Variants in BBX observed in about 807,000 individuals in gnomAD.
The protein encoded by BBX is HMG box transcription factor BBX.
In BBX, 30 loss-of-function variants were observed where a neutral mutation model predicts 100.2. That is an observed-to-expected ratio of 0.30 (90% CI 0.22 to 0.41). BBX has a LOEUF of 0.41. Among genes scored for constraint, BBX ranks in the 10% least tolerant of loss-of-function variants. The pLI is 1.00. For missense variants in BBX, 1,023 were observed against 1,129.8 expected (o/e 0.91, Z 1.35); for synonymous variants, 376 against 388.1 (o/e 0.97, Z 0.37).
chr3:107,589,983 A>G (rs1017116313), intron 2 of BBX, among the ~76,000 whole-genome samples: 3 of 151,756 alleles, frequency 2.0e-5, no homozygotes, highest in Non-Finnish European at 4.4e-5. Context: ...CATTTTTTTT[A>G]TAGGTCTTAA....
chr3:107,790,666 A>T (rs1201330401), intron 14 of BBX, among the ~76,000 whole-genome samples: 1 of 152,182 alleles, frequency 6.6e-6, no homozygotes, highest in East Asian at 1.9e-4. Context: ...ATCTCCCTGC[A>T]TGTTAGTGTC....
intron 3 of BBX, among the ~76,000 whole-genome samples, chr3:107,680,483 G>C (rs1322472761): frequency 6.6e-6 from 1 of 152,120 alleles, no homozygotes. Flanking sequence ...TTGAAGAGGT[G>C]ACAGAGCCAA....
chr3:107,724,255 G>T (rs1329920116), intron 5 of BBX, among the ~76,000 whole-genome samples: 1 of 151,478 alleles, frequency 6.6e-6, no homozygotes, highest in Admixed American at 6.6e-5. Flanking sequence ...TTTTGATGGG[G>T]TTGTTTTTTT....
At chr3:107,804,111 C>G (rs2070830096) in intron 17 of BBX, among the ~76,000 whole-genome samples, 1 of 152,090 alleles carries the variant, frequency 6.6e-6, no homozygotes, top group South Asian at 2.1e-4. Flanking sequence ...TAGCTTAATC[C>G]AGAGGTTTGA....
At chr3:107,713,572 T>C (rs2061869995) in intron 4 of BBX, among the ~76,000 whole-genome samples, 1 of 152,240 alleles carries the variant, frequency 6.6e-6, no homozygotes, top group South Asian at 2.1e-4. Context: ...TATTTACTTT[T>C]TGATTAATAA....
intron 7 of BBX, among the ~76,000 whole-genome samples, chr3:107,744,221 G>A (rs116599176): frequency 0.025 from 3,838 of 152,108 alleles, 72 homozygotes; most frequent in Middle Eastern, 0.075. Context: ...CTCTGGGAGA[G>A]GATGTACAAT....
Position 107,747,947 on chromosome 3 carries a change from T to C in BBX, c.751-18T>C. The C allele has an allele frequency of 6.3e-7, 1 of 1,597,438 alleles. No homozygotes were observed. The highest frequency in any genetic ancestry group is 1.1e-5 in the South Asian group (1 of 89,530). On this transcript the variant is annotated intron_variant, in intron 8 of 17. Transcript: ENST00000325805. ...GAAAAATGTCATTGTATATTAAAAA[T>C]TGCTTGTTTCCTTTCAGATATCTTC...
chr3:107,561,341 T>C (rs937328553), intron 2 of BBX, among the ~76,000 whole-genome samples: 1 of 152,224 alleles, frequency 6.6e-6, no homozygotes, highest in African/African-American at 2.4e-5. Context: ...TTTGCCAATA[T>C]CTAGCAAAAG....
At chr3:107,525,485 A>C (rs1407782786) in intron 1 of BBX, 3 of 152,316 alleles carry the variant, frequency 2.0e-5, no homozygotes, top group Non-Finnish European at 2.9e-5. Context: ...TTACGCCCGG[A>C]GTGTGGTATT....
In BBX at chr3:107,655,547, C is replaced by T. The variant is rs1202082459; in HGVS notation, c.-10+9638C>T. 3.9e-5 allele frequency among the ~76,000 whole-genome samples: 5 copies of T among 127,616 alleles called. No individual in the cohort carries two copies. The East Asian group carries it at 1.1e-3, about 28-fold the overall frequency. 83.7% of individuals were successfully genotyped at this position (127,616 alleles called of 152,430 possible). ...TTTTTTTTTTTTTAAGAGATAAGGGCTCATTCTGTTTCCCAAGCTGGAGTG... is the reference window on the plus strand; with the variant it reads ...TTTTTTTTTTTTTAAGAGATAAGGGTTCATTCTGTTTCCCAAGCTGGAGTG... On this transcript the variant is annotated intron_variant, in intron 3 of 17. Coordinates refer to ENST00000325805, the MANE Select transcript of BBX (RefSeq NM_001142568.3).
At chr3:107,672,740 C>G (rs751790707) in intron 3 of BBX, among the ~76,000 whole-genome samples, 10 of 152,058 alleles carry the variant, frequency 6.6e-5, no homozygotes, top group Non-Finnish European at 1.2e-4. Context: ...AAGGGCCTGG[C>G]ACAGCTGTGG....
At chr3:107,755,356 A>G (rs2065390613) in intron 9 of BBX, among the ~76,000 whole-genome samples, 1 of 152,236 alleles carries the variant, frequency 6.6e-6, no homozygotes, top group Non-Finnish European at 1.5e-5. Flanking sequence ...TTTAAAGCCT[A>G]GAATATCCAA....
chr3:107,726,705 ATGGTCCAGCT>A (rs1242301893), intron 5 of BBX, among the ~76,000 whole-genome samples: 4 of 152,074 alleles, frequency 2.6e-5, no homozygotes, highest in Admixed American at 2.0e-4. Context: ...AGGGGAAGCC[ATGGTCCAGCT>A]TTATGGACCA....
At chr3:107,575,289 A>G (rs1184794119) in intron 2 of BBX, among the ~76,000 whole-genome samples, 4 of 152,198 alleles carry the variant, frequency 2.6e-5, no homozygotes, top group Non-Finnish European at 5.9e-5. Flanking sequence ...TTGTTTACCA[A>G]ATGATGAGCT....
At chr3:107,755,062 T>C (rs1393041783) in intron 9 of BBX, among the ~76,000 whole-genome samples, 1 of 152,210 alleles carries the variant, frequency 6.6e-6, no homozygotes, top group Admixed American at 6.5e-5. Flanking sequence ...AGTCTTTGCA[T>C]GTACATTAAA....
At position 107,765,840 on chromosome 3, in the gene BBX, C is replaced by T. The variant is rs190716226; in HGVS notation, c.907-6788C>T. ...AGAGTGATGCGTCTTATAAATGTTA[C>T]TACATTCATAGCTGTTCCCAGGTTT... On this transcript the variant is annotated intron_variant, in intron 10 of 17. Transcript: ENST00000325805. Among the ~76,000 whole-genome samples the T allele has an allele frequency of 2.8e-3, 427 of 152,230 alleles. 3 individuals carry two copies. Among genetic ancestry groups the T allele is most frequent in the African/African-American group, 9.8e-3 (407 of 41,528 alleles).
chr3:107,650,142 C>T (rs1011302919), intron 3 of BBX, among the ~76,000 whole-genome samples: 1 of 152,096 alleles, frequency 6.6e-6, no homozygotes, highest in African/African-American at 2.4e-5. Flanking sequence ...CTCCTTAAAG[C>T]AGGGGTCCCC....
chr3:107,729,071 C>G, intron 6 of BBX, 111 bp downstream of exon 6: 1 of 1,078,136 alleles, frequency 9.3e-7, no homozygotes, highest in Non-Finnish European at 1.4e-6. Flanking sequence ...CAATATTAAG[C>G]AGTGGCAAAG....
In BBX at chr3:107,716,660, T is replaced by C. The variant is rs1224348389; in HGVS notation, c.216T>C (p.Asp72=). ...AGCAAGATGTTGGTGAAACTGAAGA[T>C]GATGAATCACCAGAGCAGCGAGCCC... The part of the protein sequence containing the change: ...GLEQDVGETE[D]DESPEQRARR... Residue 72 remains aspartate, a synonymous_variant, in exon 5 of 18, where the codon GAT becomes GAC. Transcript: ENST00000325805. 6.2e-7 allele frequency: 1 copy of C among 1,613,828 alleles called. No individual in the cohort carries two copies. Among genetic ancestry groups the C allele is most frequent in the South Asian group, 1.1e-5 (1 of 91,076 alleles).
Sources: allele counts gnomAD v4.1 joint callset (sites outside exome capture counted in the v4.1 genomes callset), GRCh38; gene constraint gnomAD v4.1.1; transcripts MANE v1.5; gene names NCBI Gene and HGNC (gene_info 2026-07-23, HGNC 2026-07-21).